RP1: variants seen among roughly 807,000 people sequenced by gnomAD.
RP1 encodes the protein RP1 axonemal microtubule associated, also known as oxygen-regulated protein 1.
Under a neutral mutation model 14.8 loss-of-function variants are expected in RP1, and 16 were observed. The observed-to-expected ratio is 1.08, with a 90% CI of 0.73 to 1.65. The LOEUF (loss-of-function observed/expected upper bound fraction) is 1.65, where lower values mean the gene tolerates loss of function less well. Among genes scored for constraint, RP1 ranks in the 40% most tolerant of loss-of-function variants. The probability of loss-of-function intolerance (pLI) is 0.00; values close to 1 mark genes in which losing one functional copy is unlikely to be tolerated. For synonymous variants in RP1, 876 were observed against 883.6 expected, an observed-to-expected ratio of 0.99 and a Z score of 0.15; for missense variants, 2,631 against 2,535.0, an observed-to-expected ratio of 1.04 and a Z score of -0.81.
At chr8:54,669,048 G>A (rs1158644565) in intron 7 of RP1, among the ~76,000 whole-genome samples, 1 of 152,132 alleles carries the variant, frequency 6.6e-6, no homozygotes, top group Non-Finnish European at 1.5e-5. Flanking sequence ...AATCTAAAGA[G>A]CTTCTGCACA....
chr8:54,764,774 C>T (rs1021267854), intron 22 of RP1, among the ~76,000 whole-genome samples: 4 of 152,126 alleles, frequency 2.6e-5, no homozygotes, highest in Non-Finnish European at 4.4e-5. Context: ...GGAATTAGAA[C>T]ACAATTTAAA....
chr8:54,803,762 G>C (rs1027551575), intron 24 of RP1, among the ~76,000 whole-genome samples: 2 of 151,986 alleles, frequency 1.3e-5, no homozygotes, highest in East Asian at 1.9e-4. Flanking sequence ...ATGTATACAT[G>C]GTTTTTAATT....
chr8:54,678,885 T>C (rs189738397), intron 9 of RP1, among the ~76,000 whole-genome samples: 195 of 152,188 alleles, frequency 1.3e-3, no homozygotes, highest in African/African-American at 4.4e-3. Flanking sequence ...ATATACACAG[T>C]GTTTCATGTA....
intron 16 of RP1, chr8:54,720,309 A>G: frequency 2.0e-6 from 3 of 1,532,464 alleles, no homozygotes; most frequent in Non-Finnish European, 2.6e-6. Context: ...CATCCAATGT[A>G]TGTTTACTCT....
At chr8:54,781,010 A>G (rs1810172846) in intron 23 of RP1, 1 of 978,280 alleles carries the variant, frequency 1.0e-6, no homozygotes, top group Non-Finnish European at 1.2e-6. Flanking sequence ...TTTGGAGATC[A>G]TAGAGTATAT....
chr8:54,675,714 A>C (rs1287073355), intron 8 of RP1, among the ~76,000 whole-genome samples: 1 of 152,116 alleles, frequency 6.6e-6, no homozygotes. Context: ...CCAAAGCAAA[A>C]ATCAGAACTA....
intron 1 of RP1, chr8:54,560,851 A>T (rs765910478): frequency 6.6e-6 from 1 of 151,780 alleles, no homozygotes; most frequent in Non-Finnish European, 1.5e-5. Flanking sequence ...CAGCACATTT[A>T]GGGCCATCTC....
intron 17 of RP1, among the ~76,000 whole-genome samples, chr8:54,731,322 A>G (rs751954847): frequency 4.6e-5 from 7 of 152,160 alleles, no homozygotes; most frequent in Non-Finnish European, 1.0e-4. Context: ...AGTCATCTGT[A>G]TAATCTTAGG....
chr8:54,734,672 C>G, exon 18 of RP1: 1 of 1,535,720 alleles, frequency 6.5e-7, no homozygotes. Flanking sequence ...ATAAAGGAGT[C>G]ACTGGGCCAA....
chr8:54,637,010 T>C (rs980719398), intron 3 of RP1, among the ~76,000 whole-genome samples: 2 of 152,206 alleles, frequency 1.3e-5, no homozygotes, highest in Admixed American at 1.3e-4. Context: ...TTTGCACCAG[T>C]CTGCACAATG....
At chr8:54,795,202 A>G (rs1810552102) in intron 24 of RP1, among the ~76,000 whole-genome samples, 1 of 152,124 alleles carries the variant, frequency 6.6e-6, no homozygotes, top group South Asian at 2.1e-4. Context: ...AATTAAAAAT[A>G]GAGCTACCAT....
intron 24 of RP1, among the ~76,000 whole-genome samples, chr8:54,826,125 G>C (rs904025705): frequency 1.3e-5 from 2 of 152,174 alleles, no homozygotes; most frequent in Non-Finnish European, 2.9e-5. Flanking sequence ...GTTGACTAGA[G>C]AAAAAGGCAG....
At chr8:54,670,660 T>C (rs1290026657) in intron 7 of RP1, among the ~76,000 whole-genome samples, 1 of 83,430 alleles carries the variant, frequency 1.2e-5, no homozygotes, top group African/African-American at 4.8e-5. Context: ...TTATGAATAA[T>C]ATATATGTTT....
chr8:54,627,728 T>A lies in RP1; in HGVS notation c.3846T>A (p.Pro1282=), dbSNP rs775168525. 33 of 1,614,042 alleles carry A rather than the reference T, an allele frequency of 2.0e-5. No individual in the cohort carries two copies. The highest frequency in any genetic ancestry group is 2.6e-5 in the Non-Finnish European group (31 of 1,179,976). ...GTAACCCCAGTGACACTTTTTTTCC[T>A]AGTGATGGTTATGGTGTGGATCAGA... ...ETCNPSDTFF[P]SDGYGVDQTS... The change falls in exon 4 of 4, where the codon CCT becomes CCA. Residue 1282 remains proline, a synonymous_variant. Transcript: ENST00000220676.
At chr8:54,613,732 G>T (rs1805649768), upstream of RP1, among the ~76,000 whole-genome samples, 1 of 152,304 alleles carries the variant, frequency 6.6e-6, no homozygotes, top group African/African-American at 2.4e-5. Context: ...GCAATGAAAG[G>T]CAGGGTGTCT....
In RP1 at chr8:54,624,947, A is replaced by C. The variant is rs765511429; in HGVS notation, c.1065A>C (p.Lys355Asn). The C allele has an allele frequency of 6.2e-7, 1 of 1,614,182 alleles. No homozygotes were observed. Among genetic ancestry groups the C allele is most frequent in the African/African-American group, 1.3e-5 (1 of 75,058 alleles). The change falls in exon 4 of 4, where the codon AAA becomes AAC. Residue 355 changes from lysine (K) to asparagine (N), a missense_variant. Transcript: ENST00000220676. ...TAAAATGGACAACTACTGTCAGTAA[A>C]ACTGGTCCTTCTAATAATGATGAAA... Reference protein sequence around the residue: ...ETIKWTTTVSKTGPSNNDEKS... With the variant: ...ETIKWTTTVSNTGPSNNDEKS...
At chr8:54,604,622 C>T (rs1215090536) in intron 1 of RP1, among the ~76,000 whole-genome samples, 1 of 152,122 alleles carries the variant, frequency 6.6e-6, no homozygotes, top group South Asian at 2.1e-4. Context: ...GATACCAGAT[C>T]CTCCTTGTAC....
intron 1 of RP1, among the ~76,000 whole-genome samples, chr8:54,600,104 C>A (rs1191263625): frequency 6.6e-6 from 1 of 152,100 alleles, no homozygotes; most frequent in African/African-American, 2.4e-5. Context: ...ACAATTCCCA[C>A]ATGTTGTAGG....
chr8:54,734,797 G>A, intron 18 of RP1: 6 of 1,443,362 alleles, frequency 4.2e-6, no homozygotes, highest in South Asian at 1.4e-5. Context: ...AGACATTTCT[G>A]TAATGTAGAA....
Sources: allele counts gnomAD v4.1 joint callset (sites outside exome capture counted in the v4.1 genomes callset), GRCh38; gene constraint gnomAD v4.1.1; transcripts MANE v1.5; gene names NCBI Gene and HGNC (gene_info 2026-07-23, HGNC 2026-07-21).